The following STX16 variants were observed in gnomAD, a reference collection of about 807,000 sequenced individuals.
STX16 encodes syntaxin 16.
In STX16, 28 loss-of-function variants were observed where a neutral mutation model predicts 42.7. The observed-to-expected ratio is 0.66, with a 90% CI of 0.49 to 0.90. STX16 has a LOEUF of 0.90. STX16 is among the 40% of genes least tolerant of loss of function. STX16 has a pLI of 0.00. For missense variants in STX16, 361 were observed against 420.9 expected, an observed-to-expected ratio of 0.86 and a Z score of 1.24; for synonymous variants, 156 against 155.2, an observed-to-expected ratio of 1.00 and a Z score of -0.04.
At chr20:58,671,058 A>C (rs1221104873) in intron 6 of STX16, 96 bp from the exon 7 acceptor site, 15 of 1,217,458 alleles carry the variant, frequency 1.2e-5, no homozygotes, top group Non-Finnish European at 1.6e-5. Flanking sequence ...TCTTTAAATT[A>C]TTTTCATTGT....
At position 58,651,861 on chromosome 20, in the gene STX16, C is replaced by G; in HGVS notation, c.-146C>G. 1.3e-6 allele frequency: 1 copy of G among 797,688 alleles called. No homozygotes were observed. The highest frequency in any genetic ancestry group is 2.5e-5 in the East Asian group (1 of 40,200). The allele number at this position is 797,688 out of a possible 1,614,324, so 49.4% of individuals were successfully genotyped here. A position where few individuals can be genotyped will look rare whatever the true frequency, so the allele number is the denominator to read the frequency against. ...CTCTACGCCTTGGCGAAGCGCACAG[C>G]TGCATCTTTTTGGCTTGAGGCCTGA... On this transcript the variant is annotated 5_prime_UTR_variant, in exon 1 of 9. Coordinates refer to ENST00000371141, the MANE Select transcript of STX16 (RefSeq NM_001001433.3).
At chr20:58,671,858 T>A (rs920223651) in intron 7 of STX16, among the ~76,000 whole-genome samples, 3 of 152,014 alleles carry the variant, frequency 2.0e-5, no homozygotes, top group Admixed American at 1.3e-4. Context: ...TTTTTTTGAG[T>A]GCCAATATGA....
chr20:58,667,377 A>G, intron 2 of STX16, 113 bp from the exon 3 acceptor site: 4 of 875,710 alleles, frequency 4.6e-6, no homozygotes, highest in Non-Finnish European at 7.5e-6. Context: ...GAGAGAGTAA[A>G]CATTCACTCC....
At chr20:58,667,750 T>G (rs2083870910) in intron 3 of STX16, 153 bp downstream of exon 3, 4 of 851,520 alleles carry the variant, frequency 4.7e-6, no homozygotes, top group Middle Eastern at 6.3e-4. Flanking sequence ...ATGTGTGTGT[T>G]AATGATTTTA....
chr20:58,669,111 C>A (rs1450636050), intron 4 of STX16, among the ~76,000 whole-genome samples, 180 bp from the exon 5 acceptor site: 1 of 152,226 alleles, frequency 6.6e-6, no homozygotes, highest in Non-Finnish European at 1.5e-5. Context: ...GAGCTGAAAT[C>A]TAGTGAAATC....
chr20:58,664,299 A>C (rs78197902), intron 2 of STX16, among the ~76,000 whole-genome samples: 552 of 152,326 alleles, frequency 3.6e-3, no homozygotes, highest in Non-Finnish European at 6.1e-3. Flanking sequence ...TTAATAGTAC[A>C]TACTGTGATA....
chr20:58,673,677 T>G lies in STX16; in HGVS notation c.839T>G (p.Ile280Ser). The change falls in exon 8 of 9, where the codon ATC becomes AGC. Residue 280 changes from isoleucine (I) to serine (S), a missense_variant. Transcript: ENST00000371141. ...RIDYNVEQSCIKTEDGLKQLH... is the reference protein window; with the variant it reads ...RIDYNVEQSCSKTEDGLKQLH... ...GACTATAACGTTGAACAGTCCTGTA[T>G]CAAAACTGAAGATGGTTTGAAACAG... The G allele has an allele frequency of 6.2e-7, 1 of 1,613,804 alleles. No homozygotes were observed. Among genetic ancestry groups the G allele is most frequent in the Non-Finnish European group, 8.5e-7 (1 of 1,179,704 alleles).
intron 6 of STX16, 54 bp downstream of exon 6, chr20:58,670,657 T>G: frequency 7.0e-7 from 1 of 1,428,866 alleles, no homozygotes; most frequent in South Asian, 1.2e-5. Flanking sequence ...CCATTCTGCA[T>G]CTTTCACCTC....
intron 1 of STX16, among the ~76,000 whole-genome samples, chr20:58,653,303 C>T (rs1463889322): frequency 6.6e-6 from 1 of 152,072 alleles, no homozygotes; most frequent in African/African-American, 2.4e-5. Context: ...GAAAATTTTG[C>T]CATATGTCAT....
In STX16 at chr20:58,651,478, C is replaced by T. The variant is rs1329717638; in HGVS notation, c.-529C>T. On this transcript the variant is annotated 5_prime_UTR_variant, in exon 1 of 9. Coordinates refer to ENST00000371141, the MANE Select transcript of STX16 (RefSeq NM_001001433.3). ...AAGGGAGCTGCAGGCGCCCTCGAGT[C>T]CAGGCCCCAAGCCTGGCTCCGGTTG... The T allele has an allele frequency of 1.9e-5, 3 of 154,566 alleles. No individual in the cohort carries two copies. Among genetic ancestry groups the T allele is most frequent in the Non-Finnish European group, 2.9e-5 (2 of 69,432 alleles). 9.6% of individuals were successfully genotyped at this position (154,566 alleles called of 1,614,324 possible).
At chr20:58,652,673 CCT>C (rs1490680434) in intron 1 of STX16, among the ~76,000 whole-genome samples, 1 of 151,976 alleles carries the variant, frequency 6.6e-6, no homozygotes, top group Non-Finnish European at 1.5e-5. Context: ...GCCCCGCAGC[CCT>C]CTGTGTGGCC....
Position 58,678,242 on chromosome 20 carries a change from T to C in STX16, c.*1951T>C, listed in dbSNP as rs1482238966. ...AGCCTTACAAACCCCTGAAGGAAAG[T>C]GACCCTTTAAGAGAGGATCATCTTT... On this transcript the variant is annotated 3_prime_UTR_variant, in exon 9 of 9. Transcript: ENST00000371141. The C allele has an allele frequency of 1.3e-5, 2 of 152,236 alleles. No homozygotes were observed. Among genetic ancestry groups the C allele is most frequent in the African/African-American group, 4.8e-5 (2 of 41,464 alleles). 9.4% of individuals were successfully genotyped at this position (152,236 alleles called of 1,614,324 possible). A position where few individuals can be genotyped will look rare whatever the true frequency, so the allele number is the denominator to read the frequency against.
Position 58,670,563 on chromosome 20 carries a change from C to A in STX16, c.608C>A (p.Pro203Gln), listed in dbSNP as rs1162873241. Residue 203 changes from proline to glutamine, a missense_variant, in exon 6 of 9, where the codon CCA (proline) becomes CAA (glutamine). Coordinates refer to ENST00000371141, the MANE Select transcript of STX16 (RefSeq NM_001001433.3). ...CAGCATTTTTTCGACACATCAGTAC[C>A]ACTAATGGATGATGGAGACGATAAC... ...RSQHFFDTSV[P>Q]LMDDGDDNTL... 6.2e-7 allele frequency: 1 copy of A among 1,614,076 alleles called. No individual in the cohort carries two copies.
rs1487973313 is a variant in STX16 at position 58,651,841 on chromosome 20, C to A, written c.-166C>A. ...GTAGTTATTTGGGGAGGGGTCTCTA[C>A]GCCTTGGCGAAGCGCACAGCTGCAT... is the stretch of plus-strand genomic sequence containing the variant. On this transcript the variant is annotated 5_prime_UTR_variant, in exon 1 of 9. Transcript: ENST00000371141. The A allele has an allele frequency of 1.5e-6, 1 of 677,104 alleles. No homozygotes were observed. The highest frequency in any genetic ancestry group is 2.5e-6 in the Non-Finnish European group (1 of 398,020). The allele number at this position is 677,104 out of a possible 1,614,324, so 41.9% of individuals were successfully genotyped here. A position where few individuals can be genotyped will look rare whatever the true frequency, so the allele number is the denominator to read the frequency against.
intron 2 of STX16, among the ~76,000 whole-genome samples, chr20:58,663,367 G>T (rs2083745717): frequency 6.6e-6 from 1 of 152,222 alleles, no homozygotes; most frequent in Admixed American, 6.5e-5. Context: ...TCCATAGATG[G>T]AGAACTTGTC....
chr20:58,677,127 C>T lies in STX16; in HGVS notation c.*836C>T, dbSNP rs2084148710. On this transcript the variant is annotated 3_prime_UTR_variant, in exon 9 of 9. Transcript: ENST00000371141. The stretch of plus-strand genomic sequence containing the variant: ...ACAGTGTTATGAAAGCCACCAGACT[C>T]AGCCAGTGTGTCCCCATGGGTATCC... 1 of 152,658 alleles carries T rather than the reference C, an allele frequency of 6.6e-6. No homozygotes were observed. The highest frequency in any genetic ancestry group is 6.5e-5 in the Admixed American group (1 of 15,288). 9.5% of individuals were successfully genotyped at this position (152,658 alleles called of 1,614,324 possible). A position where few individuals can be genotyped will look rare whatever the true frequency, so the allele number is the denominator to read the frequency against.
At position 58,677,270 on chromosome 20, in the gene STX16, A is replaced by G. The variant is rs993905331; in HGVS notation, c.*979A>G. The stretch of plus-strand genomic sequence containing the variant: ...GAGGCCATTTTAAATGGGTCACCCC[A>G]TTTAGGATTAGTGGATCTCAAATTA... On this transcript the variant is annotated 3_prime_UTR_variant, in exon 9 of 9. Coordinates refer to ENST00000371141, the MANE Select transcript of STX16 (RefSeq NM_001001433.3). The G allele has an allele frequency of 6.5e-6, 1 of 152,768 alleles. No homozygotes were observed. The highest frequency in any genetic ancestry group is 3.4e-3 in the Middle Eastern group (1 of 294). The allele number at this position is 152,768 out of a possible 1,614,324, so 9.5% of individuals were successfully genotyped here. A position where few individuals can be genotyped will look rare whatever the true frequency, so the allele number is the denominator to read the frequency against.
At chr20:58,671,119 C>A in intron 6 of STX16, 35 bp from the exon 7 acceptor site, 1 of 1,560,302 alleles carries the variant, frequency 6.4e-7, no homozygotes, top group Non-Finnish European at 8.7e-7. Context: ...AGAGGGAAAA[C>A]AATCTATCCA....
At chr20:58,660,597 T>C (rs1436721409) in intron 2 of STX16, among the ~76,000 whole-genome samples, 3 of 152,048 alleles carry the variant, frequency 2.0e-5, no homozygotes, top group African/African-American at 7.2e-5. Context: ...TCTGACCCTC[T>C]GTAACAGGTA....
Sources: gnomAD v4.1 joint callset for allele counts (sites outside exome capture counted in the v4.1 genomes callset) on GRCh38, gnomAD v4.1.1 for gene constraint, MANE v1.5 for transcripts, NCBI Gene and HGNC (gene_info 2026-07-23, HGNC 2026-07-21) for gene names.